ANKS3: variants seen among roughly 807,000 people sequenced by gnomAD.
ANKS3 encodes the protein ankyrin repeat and sterile alpha motif domain containing 3, also known as ankyrin repeat and SAM domain-containing protein 3.
A neutral mutation model predicts 80.7 loss-of-function variants in ANKS3; 62 were observed. That is an observed-to-expected ratio of 0.77 (90% CI 0.63 to 0.95). The LOEUF (loss-of-function observed/expected upper bound fraction) is 0.95, where lower values mean the gene tolerates loss of function less well. Ranked by LOEUF, ANKS3 falls within the 40% of genes least tolerant of loss-of-function variation. ANKS3 has a pLI of 0.00. For synonymous variants in ANKS3, 489 were observed against 355.3 expected, an observed-to-expected ratio of 1.38 and a Z score of -4.23; for missense variants, 1,150 against 883.6, an observed-to-expected ratio of 1.30 and a Z score of -3.82.
At chr16:4,712,263 C>A (rs184597853) in intron 7 of ANKS3, among the ~76,000 whole-genome samples, 2 of 151,602 alleles carry the variant, frequency 1.3e-5, no homozygotes, top group African/African-American at 4.9e-5. Context: ...CCCAGCTACT[C>A]GGGAGGCTGA....
At chr16:4,704,737 G>C (rs2080094605) in intron 8 of ANKS3, among the ~76,000 whole-genome samples, 1 of 152,192 alleles carries the variant, frequency 6.6e-6, no homozygotes, top group South Asian at 2.1e-4. Flanking sequence ...GCAGGGCAGG[G>C]AAGTGAACTT....
chr16:4,710,183 A>G (rs2080409779), intron 7 of ANKS3, among the ~76,000 whole-genome samples: 1 of 152,200 alleles, frequency 6.6e-6, no homozygotes, highest in African/African-American at 2.4e-5. Context: ...GATCGAAGAA[A>G]GAAGTTCTGG....
intron 15 of ANKS3, 119 bp downstream of exon 15, chr16:4,697,858 G>T: frequency 1.0e-6 from 1 of 970,620 alleles, no homozygotes; most frequent in Non-Finnish European, 1.5e-6. Flanking sequence ...TGTGCACACA[G>T]GGACCTGGGA....
Position 4,697,094 on chromosome 16 carries a change from C to T in ANKS3, c.1905G>A (p.Leu635=). Reference sequence around the variant, plus strand: ...TCTCCAGGCTCTGGGTCACTAAGCACAGTGCTTGCCCTGAGGAATGATGAC... The same window carrying T: ...TCTCCAGGCTCTGGGTCACTAAGCATAGTGCTTGCCCTGAGGAATGATGAC... The part of the protein sequence containing the change: ...EDRVREMGQA[L]CLVTQSLEKL... The change falls in exon 17 of 18, where the codon CTG becomes CTA. Residue 635 remains leucine, a synonymous_variant. Coordinates refer to ENST00000304283, the MANE Select transcript of ANKS3 (RefSeq NM_133450.4). 3 of 1,613,782 alleles carry T rather than the reference C, an allele frequency of 1.9e-6. No homozygotes were observed. The highest frequency in any genetic ancestry group is 2.5e-6 in the Non-Finnish European group (3 of 1,179,952).
At chr16:4,720,603 C>A (rs575388532) in intron 6 of ANKS3, among the ~76,000 whole-genome samples, 1 of 151,426 alleles carries the variant, frequency 6.6e-6, no homozygotes, top group Non-Finnish European at 1.5e-5. Context: ...ACATCCTAAG[C>A]TCCTGAAGAA....
intron 3 of ANKS3, 175 bp from the exon 4 acceptor site, chr16:4,727,352 C>T (rs899310853): frequency 4.5e-6 from 3 of 662,356 alleles, no homozygotes; most frequent in Admixed American, 2.4e-5. Context: ...GACAGTTGCT[C>T]GTACACTGCC....
At chr16:4,719,244 A>T (rs1045540695) in intron 6 of ANKS3, among the ~76,000 whole-genome samples, 1 of 152,184 alleles carries the variant, frequency 6.6e-6, no homozygotes, top group Non-Finnish European at 1.5e-5. Flanking sequence ...AGTTGCAAGG[A>T]TCCCTTGAAC....
At chr16:4,724,639 G>GA (rs1389021553) in intron 6 of ANKS3, 111 bp downstream of exon 6, 3 of 1,047,016 alleles carry the variant, frequency 2.9e-6, no homozygotes, top group Non-Finnish European at 2.8e-6. Context: ...TTGAATAAAT[G>GA]AATGAAAGTT....
rs2079578252 is a variant in ANKS3, at chr16:4,696,853, C to T, written c.*55G>A. The T allele has an allele frequency of 2.9e-6, 2 of 691,148 alleles. No individual in the cohort carries two copies. Among genetic ancestry groups the T allele is most frequent in the Admixed American group, 2.3e-5 (1 of 42,918 alleles). 42.8% of individuals were successfully genotyped at this position (691,148 alleles called of 1,614,324 possible). A position where few individuals can be genotyped will look rare whatever the true frequency, so the allele number is the denominator to read the frequency against. ...ACCTGCTCACTGTCCTCCTCACTCCCTGGCACACAGCTTCAGGGTGGACCA... is the reference window on the plus strand; with the variant it reads ...ACCTGCTCACTGTCCTCCTCACTCCTTGGCACACAGCTTCAGGGTGGACCA... On this transcript the variant is annotated 3_prime_UTR_variant, in exon 18 of 18. Coordinates refer to ENST00000304283, the MANE Select transcript of ANKS3 (RefSeq NM_133450.4).
At chr16:4,713,974 C>T (rs1222107119) in intron 7 of ANKS3, 77 bp downstream of exon 7, 4 of 1,559,930 alleles carry the variant, frequency 2.6e-6, no homozygotes, top group Middle Eastern at 1.8e-4. Context: ...AAGCGGGGGA[C>T]ATCTTTCTCT....
chr16:4,699,691 G>A (rs1484035467), intron 11 of ANKS3: 1 of 166,292 alleles, frequency 6.0e-6, no homozygotes, highest in Non-Finnish European at 1.3e-5. Flanking sequence ...GCCACTGTAT[G>A]GGGTGGTGTC....
chr16:4,707,281 CTT>C (rs112926809), intron 7 of ANKS3, among the ~76,000 whole-genome samples: 16 of 135,882 alleles, frequency 1.2e-4, no homozygotes, highest in Non-Finnish European at 1.1e-4. Context: ...CGGAAGGACA[CTT>C]TTTTTTTTTT....
intron 6 of ANKS3, among the ~76,000 whole-genome samples, chr16:4,717,919 C>G (rs2080887483): frequency 6.6e-6 from 1 of 152,084 alleles, no homozygotes; most frequent in South Asian, 2.1e-4. Context: ...CCTCAGCCTC[C>G]CAAGTAGCTG....
intron 6 of ANKS3, among the ~76,000 whole-genome samples, chr16:4,716,864 G>A (rs933823268): frequency 1.3e-5 from 2 of 151,918 alleles, no homozygotes; most frequent in Non-Finnish European, 2.9e-5. Flanking sequence ...GCAGTGAGCT[G>A]AGATCGCGCC....
intron 16 of ANKS3, 93 bp from the exon 17 acceptor site, chr16:4,697,197 C>T (rs1312297169): frequency 3.2e-6 from 5 of 1,557,528 alleles, no homozygotes; most frequent in Non-Finnish European, 4.4e-6. Context: ...GTGACCTGCC[C>T]CTCACCCGTT....
chr16:4,720,957 C>A (rs1419612933), intron 6 of ANKS3, among the ~76,000 whole-genome samples: 5 of 139,850 alleles, frequency 3.6e-5, no homozygotes, highest in South Asian at 4.5e-4. Flanking sequence ...AACAAACAAA[C>A]AAAAAAACTC....
rs1449226723 is a variant in ANKS3, at chr16:4,726,681, T to A, written c.469A>T (p.Ser157Cys). Residue 157 changes from serine (S) to cysteine (C), a missense_variant, in exon 5 of 18, where the codon AGT (serine) becomes TGT (cysteine). Physicochemically the swap from Ser to Cys is moderately radical, Grantham distance 112. Transcript: ENST00000304283. ...HQHMVRFLLD[S>C]GANANVREPI... The stretch of plus-strand genomic sequence containing the variant: ...CACCTCACGTTGGCATTGGCTCCAC[T>A]GTCCAAGAGGAACCTGACCATGTGC... 1 of 1,613,936 alleles carries A rather than the reference T, an allele frequency of 6.2e-7. No individual in the cohort carries two copies. The highest frequency in any genetic ancestry group is 1.3e-5 in the African/African-American group (1 of 74,964).
chr16:4,732,538 C>T (rs1358331541), intron 1 of ANKS3, among the ~76,000 whole-genome samples: 2 of 151,990 alleles, frequency 1.3e-5, no homozygotes, highest in African/African-American at 4.8e-5. Flanking sequence ...CAAAAATTAG[C>T]TGGGTGTGGT....
chr16:4,709,845 T>G (rs982091322), intron 7 of ANKS3, among the ~76,000 whole-genome samples: 1 of 151,814 alleles, frequency 6.6e-6, no homozygotes, highest in African/African-American at 2.4e-5. Flanking sequence ...ACCCCGTCTC[T>G]ACAAAAAAAT....
Sources: gnomAD v4.1 joint callset for allele counts (sites outside exome capture counted in the v4.1 genomes callset) on GRCh38, gnomAD v4.1.1 for gene constraint, MANE v1.5 for transcripts, NCBI Gene and HGNC (gene_info 2026-07-23, HGNC 2026-07-21) for gene names.